Variants in MACROD2 observed in about 807,000 individuals in gnomAD.
The protein encoded by MACROD2 is mono-ADP ribosylhydrolase 2, also known as ADP-ribose glycohydrolase MACROD2.
Under a neutral mutation model 70.4 loss-of-function variants are expected in MACROD2, and 36 were observed. The ratio of observed to expected loss-of-function variants is 0.51; its 90% confidence interval spans 0.39 to 0.68. MACROD2 has a LOEUF of 0.68. MACROD2 is among the 30% of genes least tolerant of loss of function. The pLI is 0.00. For synonymous variants in MACROD2, 172 were observed against 178.8 expected (o/e 0.96, Z 0.30); for missense variants, 496 against 538.4 (o/e 0.92, Z 0.78).
At chr20:14,466,382 C>T (rs886204006) in intron 3 of MACROD2, among the ~76,000 whole-genome samples, 2 of 152,100 alleles carry the variant, frequency 1.3e-5, no homozygotes, top group African/African-American at 2.4e-5. Flanking sequence ...TTTTCAGCTC[C>T]ATCAGGTCCT....
chr20:15,147,531 A>C (rs527678401), intron 5 of MACROD2, among the ~76,000 whole-genome samples: 1 of 151,164 alleles, frequency 6.6e-6, no homozygotes, highest in African/African-American at 2.4e-5. Flanking sequence ...CTTTCTAGCA[A>C]TCTCTCTCTC....
At chr20:14,617,244 C>A (rs1458170076) in intron 4 of MACROD2, among the ~76,000 whole-genome samples, 2 of 152,102 alleles carry the variant, frequency 1.3e-5, no homozygotes, top group East Asian at 3.9e-4. Context: ...CAACATAGTT[C>A]TTTGAAATGA....
intron 3 of MACROD2, among the ~76,000 whole-genome samples, chr20:14,150,776 G>C (rs1189554432): frequency 2.0e-5 from 3 of 152,170 alleles, no homozygotes; most frequent in Non-Finnish European, 4.4e-5. Context: ...TAAAAAAGAA[G>C]AATGGGAAAG....
intron 7 of MACROD2, among the ~76,000 whole-genome samples, chr20:15,494,680 G>T (rs2047271731): frequency 6.6e-6 from 1 of 151,890 alleles, no homozygotes; most frequent in South Asian, 2.1e-4. Flanking sequence ...ATTGACTCAG[G>T]ACAAGGCAGC....
intron 5 of MACROD2, among the ~76,000 whole-genome samples, chr20:15,029,776 C>T (rs2075260268): frequency 6.6e-6 from 1 of 152,076 alleles, no homozygotes; most frequent in South Asian, 2.1e-4. Flanking sequence ...AATCCTTAGC[C>T]CCTTACACAG....
chr20:16,012,026 T>G (rs1481670084), intron 15 of MACROD2, among the ~76,000 whole-genome samples: 1 of 152,186 alleles, frequency 6.6e-6, no homozygotes, highest in Non-Finnish European at 1.5e-5. Flanking sequence ...CACCATCAGC[T>G]ACTTTCCAGG....
At chr20:14,352,533 T>C (rs1422189895) in intron 3 of MACROD2, 2 of 152,204 alleles carry the variant, frequency 1.3e-5, no homozygotes, top group East Asian at 3.9e-4. Context: ...ACTCTTTTAA[T>C]GAATTTGCTG....
At chr20:14,512,847 A>G (rs545664486) in intron 4 of MACROD2, among the ~76,000 whole-genome samples, 2 of 152,242 alleles carry the variant, frequency 1.3e-5, no homozygotes, top group East Asian at 1.9e-4. Context: ...TCTTGGTTTC[A>G]TAGAAAAACT....
intron 7 of MACROD2, among the ~76,000 whole-genome samples, chr20:15,497,901 A>T (rs189386246): frequency 9.9e-5 from 15 of 152,210 alleles, no homozygotes; most frequent in African/African-American, 3.4e-4. Context: ...GAGGACAGGG[A>T]CTCATTAAAA....
chr20:14,700,001 TA>T, intron 5 of MACROD2, among the ~76,000 whole-genome samples: 3 of 146,416 alleles, frequency 2.0e-5, no homozygotes, highest in African/African-American at 8.1e-5. Flanking sequence ...AGTTTAAATC[TA>T]GAAGTTTAAA....
chr20:15,478,649 C>T (rs2047054987), intron 7 of MACROD2, among the ~76,000 whole-genome samples: 1 of 152,062 alleles, frequency 6.6e-6, no homozygotes, highest in Admixed American at 6.6e-5. Context: ...AAGCACAGCA[C>T]CCAAATCTGG....
At chr20:14,519,789 A>G (rs957761930) in intron 4 of MACROD2, among the ~76,000 whole-genome samples, 2 of 152,224 alleles carry the variant, frequency 1.3e-5, no homozygotes, top group East Asian at 3.8e-4. Flanking sequence ...AGCACTATTC[A>G]TAATAGCAAA....
At chr20:14,634,107 C>T (rs1035588084) in intron 4 of MACROD2, among the ~76,000 whole-genome samples, 15 of 152,222 alleles carry the variant, frequency 9.9e-5, no homozygotes, top group African/African-American at 3.6e-4. Flanking sequence ...CAACCCGCCA[C>T]ACCCCCACTT....
intron 2 of MACROD2, among the ~76,000 whole-genome samples, chr20:14,010,350 TG>T (rs1281567464): frequency 6.6e-6 from 1 of 151,786 alleles, no homozygotes; most frequent in Admixed American, 6.6e-5. Context: ...CTTAGGAGGA[TG>T]GGGGGCTGGT....
chr20:14,499,649 G>C (rs1480858861), intron 4 of MACROD2, among the ~76,000 whole-genome samples: 1 of 152,076 alleles, frequency 6.6e-6, no homozygotes, highest in South Asian at 2.1e-4. Context: ...AAGGTGGTTA[G>C]GGACCAGGAG....
chr20:14,704,848 C>A (rs184010084), intron 5 of MACROD2, among the ~76,000 whole-genome samples: 1 of 152,204 alleles, frequency 6.6e-6, no homozygotes, highest in Non-Finnish European at 1.5e-5. Context: ...GCCTTGGAAG[C>A]TGGGAAATGC....
At chr20:14,035,937 T>G (rs946012311) in intron 2 of MACROD2, among the ~76,000 whole-genome samples, 2 of 152,114 alleles carry the variant, frequency 1.3e-5, no homozygotes, top group Admixed American at 6.5e-5. Context: ...GGTCAGGAGA[T>G]TGAGACCATC....
intron 4 of MACROD2, among the ~76,000 whole-genome samples, chr20:14,684,338 G>C (rs1207352763): frequency 3.3e-5 from 5 of 152,158 alleles, no homozygotes; most frequent in Admixed American, 2.0e-4. Context: ...TACTCCTTCA[G>C]TTTTGAGGTG....
intron 5 of MACROD2, among the ~76,000 whole-genome samples, chr20:14,788,734 A>T (rs1035472901): frequency 3.3e-5 from 5 of 149,618 alleles, no homozygotes; most frequent in Admixed American, 6.7e-5. Flanking sequence ...TTTTGTATTT[A>T]AAAAAAAATT....
Sources: gnomAD v4.1 joint callset for allele counts (sites outside exome capture counted in the v4.1 genomes callset) on GRCh38, gnomAD v4.1.1 for gene constraint, MANE v1.5 for transcripts, NCBI Gene and HGNC (gene_info 2026-07-23, HGNC 2026-07-21) for gene names.